Variants in KIAA1755 observed in about 807,000 individuals in gnomAD.
KIAA1755 encodes the protein uncharacterized protein KIAA1755.
In KIAA1755, 68 loss-of-function variants were observed where a neutral mutation model predicts 91.7. The observed-to-expected ratio is 0.74, with a 90% confidence interval of 0.61 to 0.91. The LOEUF (loss-of-function observed/expected upper bound fraction) is 0.91, where lower values mean the gene tolerates loss of function less well. KIAA1755 is among the 40% of genes least tolerant of loss of function. The pLI, the probability that KIAA1755 is intolerant of heterozygous loss-of-function variation, is 0.00. For synonymous variants in KIAA1755, 610 were observed against 604.6 expected (o/e 1.01, Z -0.13); for missense variants, 1,535 against 1,494.4 (o/e 1.03, Z -0.45).
At chr20:38,258,742 G>A (rs1016131876) in intron 1 of KIAA1755, among the ~76,000 whole-genome samples, 4 of 152,210 alleles carry the variant, frequency 2.6e-5, no homozygotes, top group African/African-American at 9.7e-5. Context: ...GGCTGGAGTG[G>A]CTGGAGCACA....
chr20:38,253,994 C>T (rs1327313436), intron 1 of KIAA1755, among the ~76,000 whole-genome samples: 2 of 152,224 alleles, frequency 1.3e-5, no homozygotes, highest in Non-Finnish European at 2.9e-5. Context: ...AGCGATTCTC[C>T]TGCCTCAGCC....
At chr20:38,226,302 A>G (rs2075755700) in intron 7 of KIAA1755, among the ~76,000 whole-genome samples, 1 of 152,160 alleles carries the variant, frequency 6.6e-6, no homozygotes, top group Non-Finnish European at 1.5e-5. Flanking sequence ...TTATGCTGGG[A>G]ATAGCTCCAG....
Position 38,241,611 on chromosome 20 carries a change from C to A in KIAA1755, c.520G>T (p.Ala174Ser), listed in dbSNP as rs754037910. The A allele has an allele frequency of 1.9e-6, 3 of 1,614,140 alleles. No individual in the cohort carries two copies. In the African/African-American group the frequency reaches 4.0e-5, roughly 22 times the overall value. ...NCLVASENGI[A>S]PVPWTKITSP... ...GTTATCTTGGTCCAAGGCACAGGGGCAATCCCATTTTCTGATGCTACCAAG... is the reference window on the plus strand; with the variant it reads ...GTTATCTTGGTCCAAGGCACAGGGGAAATCCCATTTTCTGATGCTACCAAG... The change falls in exon 3 of 14, where the codon GCC (alanine) becomes TCC (serine). Residue 174 changes from alanine (A) to serine (S), a missense_variant. Physicochemically the swap from Ala to Ser is moderately conservative, Grantham distance 99. Transcript: ENST00000279024.
intron 9 of KIAA1755, 106 bp from the exon 10 acceptor site, chr20:38,222,703 A>G (rs2075683029): frequency 8.2e-7 from 1 of 1,212,714 alleles, no homozygotes; most frequent in Non-Finnish European, 1.2e-6. Flanking sequence ...TTGGCATTCA[A>G]GGTCCTCCAG....
intron 1 of KIAA1755, among the ~76,000 whole-genome samples, chr20:38,253,003 C>G (rs2076278298): frequency 6.6e-6 from 1 of 152,180 alleles, no homozygotes; most frequent in South Asian, 2.1e-4. Context: ...GTGGGCCCCT[C>G]AGCATGATTT....
At chr20:38,237,671 T>G in intron 4 of KIAA1755, among the ~76,000 whole-genome samples, 1 of 147,634 alleles carries the variant, frequency 6.8e-6, no homozygotes, top group African/African-American at 2.5e-5. Context: ...AAAAGGGGAG[T>G]GAAAAGGTGG....
chr20:38,227,231 G>C lies in KIAA1755; in HGVS notation c.1975C>G (p.Pro659Ala), dbSNP rs1313242343. The C allele has an allele frequency of 1.2e-6, 2 of 1,613,570 alleles. No homozygotes were observed. The highest frequency in any genetic ancestry group is 2.2e-5 in the South Asian group (2 of 91,042). ...SALQATQAQV[P>A]ASIRAILFLG... ...AAGAGAATAGCCCGGATAGAGGCTG[G>C]GACCTGAGCCTGTCAAAGACAACCA... The change falls in exon 7 of 14, where the codon CCA becomes GCA. Residue 659 changes from proline to alanine, a missense_variant. Transcript: ENST00000279024.
chr20:38,224,267 A>C (rs1301265997), intron 8 of KIAA1755, among the ~76,000 whole-genome samples: 3 of 152,182 alleles, frequency 2.0e-5, no homozygotes, highest in African/African-American at 7.2e-5. Flanking sequence ...GTCTACAGGT[A>C]AGATTTCATG....
At chr20:38,243,841 C>A (rs1440799155) in intron 2 of KIAA1755, among the ~76,000 whole-genome samples, 1 of 152,240 alleles carries the variant, frequency 6.6e-6, no homozygotes, top group Non-Finnish European at 1.5e-5. Context: ...GCACTTGCTG[C>A]ATGCCAGAGT....
Position 38,228,204 on chromosome 20 carries a change from A to G in KIAA1755, c.1908T>C (p.Ile636=). Residue 636 remains isoleucine, a synonymous_variant, in exon 6 of 14, where the codon ATT becomes ATC. Transcript: ENST00000279024. The part of the protein sequence containing the change: ...EDKAKGLAVL[I]DARRQPPQPG... ...GCTGTGGGGGCTGTCTCCTGGCGTC[A>G]ATCAGGACCGCCAGCCCCTTGGCTT... The G allele has an allele frequency of 6.2e-7, 1 of 1,604,840 alleles. No homozygotes were observed. The highest frequency in any genetic ancestry group is 8.5e-7 in the Non-Finnish European group (1 of 1,176,188).
rs760754816 is a variant in KIAA1755, at chr20:38,239,572, GC to G, written c.1702del (p.Ala568LeufsTer2). ...EPPGPEPRIG[A>X]LGVKVFRSRI... is the part of the protein sequence containing the mutation. ...GGAGCGGAAAACCTTGACACCTAGA[GC>G]CCCAATCCTGGGCTCAGGCCCTGGG... On this transcript the variant is annotated frameshift_variant, in exon 4 of 14. Transcript: ENST00000279024. LOFTEE classifies it high-confidence loss of function. The G allele has an allele frequency of 6.2e-7, 1 of 1,613,130 alleles. No homozygotes were observed. Among genetic ancestry groups the G allele is most frequent in the Non-Finnish European group, 8.5e-7 (1 of 1,179,616 alleles).
chr20:38,239,449 C>G, intron 4 of KIAA1755, 79 bp downstream of exon 4: 1 of 1,323,938 alleles, frequency 7.6e-7, no homozygotes, highest in Non-Finnish European at 1.1e-6. Flanking sequence ...CCCTGCCTCC[C>G]CTCCACCCAA....
rs180939053 is a variant in KIAA1755 at position 38,232,662 on chromosome 20, A to G, written c.1748-1337T>C. On this transcript the variant is annotated intron_variant, in intron 4 of 13. Coordinates refer to ENST00000279024, the MANE Select transcript of KIAA1755 (RefSeq NM_001029864.2). ...AAAAAAAAAATTTGTGTGTATATAA[A>G]TGTGTATACATATATATCAATGTTA... 4.2e-3 allele frequency among the ~76,000 whole-genome samples: 641 copies of G among 151,834 alleles called. 6 individuals carry two copies. The highest frequency in any genetic ancestry group is 0.015 in the African/African-American group (602 of 41,374).
chr20:38,228,233 C>A lies in KIAA1755; in HGVS notation c.1879G>T (p.Asp627Tyr). The A allele has an allele frequency of 6.3e-7, 1 of 1,598,722 alleles. No homozygotes were observed. Among genetic ancestry groups the A allele is most frequent in the Non-Finnish European group, 8.5e-7 (1 of 1,173,536 alleles). The change falls in exon 6 of 14, where the codon GAT becomes TAT. Residue 627 changes from aspartate to tyrosine, a missense_variant. Asp to Tyr is a radical substitution (Grantham distance 160). Transcript: ENST00000279024. ...AGGACCGCCAGCCCCTTGGCTTTAT[C>A]TTCAGGCCTGTGGGTGGTAAACAGA... Reference protein sequence around the residue: ...SYLCTIPRPEDKAKGLAVLID... With the variant: ...SYLCTIPRPEYKAKGLAVLID...
At chr20:38,260,142 T>G in intron 1 of KIAA1755, 6 of 1,249,598 alleles carry the variant, frequency 4.8e-6, no homozygotes, top group Non-Finnish European at 6.2e-6. Flanking sequence ...CGGGACAATG[T>G]GCATATCACA....
chr20:38,238,917 C>G (rs1260820256), intron 4 of KIAA1755, among the ~76,000 whole-genome samples: 1 of 152,238 alleles, frequency 6.6e-6, no homozygotes, highest in Non-Finnish European at 1.5e-5. Context: ...ACAGATGCCC[C>G]CTCTCTGAAG....
chr20:38,216,216 C>T (rs1200982953), intron 13 of KIAA1755, among the ~76,000 whole-genome samples: 29 of 152,350 alleles, frequency 1.9e-4, no homozygotes, highest in Non-Finnish European at 1.5e-5. Context: ...GCCCCAGACT[C>T]CAAGGCTCGG....
At chr20:38,215,157 C>A (rs2075522964) in intron 13 of KIAA1755, among the ~76,000 whole-genome samples, 1 of 152,226 alleles carries the variant, frequency 6.6e-6, no homozygotes, top group Admixed American at 6.5e-5. Context: ...AGATGGATAG[C>A]ACCTCAGAAA....
Position 38,228,085 on chromosome 20 carries a change from G to A in KIAA1755, c.1965+62C>T, listed in dbSNP as rs183874951. The A allele has an allele frequency of 1.2e-4, 151 of 1,286,228 alleles. 1 individual carries two copies. The African/African-American group carries it at 2.0e-3, about 17-fold the overall frequency. 79.7% of individuals were successfully genotyped at this position (1,286,228 alleles called of 1,614,324 possible). On this transcript the variant is annotated intron_variant, in intron 6 of 13. Transcript: ENST00000279024. ...TTAAGCACCCCCGGACTCTATGAAT[G>A]TCAGGAGGCCCCTGGTGGCTCCCAG...
Sources: allele counts gnomAD v4.1 joint callset (sites outside exome capture counted in the v4.1 genomes callset), GRCh38; gene constraint gnomAD v4.1.1; transcripts MANE v1.5; gene names NCBI Gene and HGNC (gene_info 2026-07-23, HGNC 2026-07-21).